DIAPH2: variants seen among roughly 807,000 people sequenced by gnomAD.
The protein encoded by DIAPH2 is diaphanous related formin 2, also known as protein diaphanous homolog 2.
Under a neutral mutation model 92.7 loss-of-function variants are expected in DIAPH2, and 35 were observed. The ratio of observed to expected loss-of-function variants is 0.38; its 90% CI spans 0.29 to 0.50. DIAPH2 has a LOEUF of 0.50. DIAPH2 is among the 20% of genes least tolerant of loss of function. The probability of loss-of-function intolerance (pLI) is 0.94; values close to 1 mark genes in which losing one functional copy is unlikely to be tolerated. For missense variants in DIAPH2, 701 were observed against 819.5 expected (o/e 0.86, Z 1.77); for synonymous variants, 301 against 280.4 (o/e 1.07, Z -0.73).
At chrX:97,448,533 A>G (rs2070332020) in intron 26 of DIAPH2, among the ~76,000 whole-genome samples, 1 of 111,861 alleles carries the variant, frequency 8.9e-6, no homozygotes, top group Non-Finnish European at 1.9e-5. Context: ...TACAAATCAA[A>G]CCCTCCTTTT....
intron 5 of DIAPH2, among the ~76,000 whole-genome samples, chrX:96,906,895 C>G: frequency 8.9e-6 from 1 of 111,814 alleles, no homozygotes; most frequent in Middle Eastern, 4.6e-3. Context: ...CCTCTTGTTC[C>G]CAATATAAGC....
chrX:97,405,129 G>A (rs1300660034), intron 25 of DIAPH2, among the ~76,000 whole-genome samples: 4 of 111,541 alleles, frequency 3.6e-5, no homozygotes, highest in African/African-American at 1.3e-4. Flanking sequence ...ATCTATAAAG[G>A]CTTGACATTC....
chrX:96,924,185 G>A (rs2065564691), intron 9 of DIAPH2, among the ~76,000 whole-genome samples: 1 of 111,903 alleles, frequency 8.9e-6, no homozygotes, highest in East Asian at 2.8e-4. Context: ...TGAATATGGA[G>A]AAAATTTGTG....
intron 23 of DIAPH2, 122 bp from the exon 24 acceptor site, chrX:97,347,994 A>G: frequency 1.5e-6 from 1 of 666,540 alleles, no homozygotes; most frequent in Non-Finnish European, 2.2e-6. Flanking sequence ...ACAAACTAAT[A>G]CACAAGTATT....
At chrX:96,931,654 G>C (rs767082611) in intron 10 of DIAPH2, among the ~76,000 whole-genome samples, 1 of 110,204 alleles carries the variant, frequency 9.1e-6, no homozygotes, top group East Asian at 2.8e-4. Context: ...ATGTGTGTGC[G>C]TGTGTGTGTG....
intron 17 of DIAPH2, among the ~76,000 whole-genome samples, chrX:97,025,541 A>G (rs1359760890): frequency 9.2e-6 from 1 of 108,785 alleles, no homozygotes. Context: ...AGTCCCAGCT[A>G]CTCGGGAGGC....
chrX:97,529,966 A>G (rs897663738), intron 26 of DIAPH2, among the ~76,000 whole-genome samples: 1 of 112,432 alleles, frequency 8.9e-6, no homozygotes, highest in Admixed American at 9.4e-5. Context: ...TAGCCAAGAC[A>G]GCCAGGGCTT....
chrX:97,390,122 C>T (rs1479578080), intron 25 of DIAPH2, among the ~76,000 whole-genome samples: 2 of 109,179 alleles, frequency 1.8e-5, no homozygotes, highest in East Asian at 5.8e-4. Context: ...CAGGTCAAGC[C>T]GGTCAGAGAG....
chrX:97,062,935 G>A (rs1339400296), intron 17 of DIAPH2, among the ~76,000 whole-genome samples: 1 of 107,125 alleles, frequency 9.3e-6, no homozygotes, highest in African/African-American at 3.4e-5. Flanking sequence ...TCGGGAGGCT[G>A]AGGCAGGAGA....
intron 4 of DIAPH2, among the ~76,000 whole-genome samples, chrX:96,811,123 C>A (rs1403946364): frequency 8.9e-6 from 1 of 111,834 alleles, no homozygotes; most frequent in African/African-American, 3.3e-5. Flanking sequence ...TGGCCATTTT[C>A]ATGATATTGA....
chrX:97,518,127 T>C (rs2070963467), intron 26 of DIAPH2, among the ~76,000 whole-genome samples: 1 of 112,227 alleles, frequency 8.9e-6, no homozygotes, highest in African/African-American at 3.2e-5. Context: ...ATCAAGCTCT[T>C]CTCAAACTTT....
chrX:97,071,625 C>T (rs2066669964), intron 17 of DIAPH2, among the ~76,000 whole-genome samples: 1 of 111,358 alleles, frequency 9.0e-6, no homozygotes, highest in African/African-American at 3.3e-5. Flanking sequence ...CTGTAGCATG[C>T]TCATTTAATT....
intron 3 of DIAPH2, among the ~76,000 whole-genome samples, chrX:96,750,051 GTT>G (rs753887199): frequency 2.2e-3 from 156 of 71,047 alleles, no homozygotes; most frequent in African/African-American, 8.4e-3. Context: ...TATATTTCAA[GTT>G]TTTTTTTTTT....
At chrX:97,476,603 T>A (rs888993219) in intron 26 of DIAPH2, among the ~76,000 whole-genome samples, 1 of 111,295 alleles carries the variant, frequency 9.0e-6, no homozygotes, top group Non-Finnish European at 1.9e-5. Context: ...GTATGAAATA[T>A]GACTTCAAAA....
At chrX:97,069,497 A>G (rs2066655362) in intron 17 of DIAPH2, among the ~76,000 whole-genome samples, 1 of 111,452 alleles carries the variant, frequency 9.0e-6, no homozygotes, top group Non-Finnish European at 1.9e-5. Flanking sequence ...AAAGAAAATT[A>G]TAAATGTTAG....
chrX:96,894,246 C>T (rs1224405635), intron 5 of DIAPH2, among the ~76,000 whole-genome samples: 1 of 104,325 alleles, frequency 9.6e-6, no homozygotes, highest in African/African-American at 3.5e-5. Flanking sequence ...GTACTGAGTA[C>T]TGCTACAGTT....
At chrX:97,459,766 G>A (rs1363213684) in intron 26 of DIAPH2, among the ~76,000 whole-genome samples, 3 of 111,707 alleles carry the variant, frequency 2.7e-5, no homozygotes, top group Admixed American at 9.5e-5. Context: ...AAGTGATGGT[G>A]TAGATATGAC....
intron 23 of DIAPH2, among the ~76,000 whole-genome samples, chrX:97,337,943 G>A (rs2069079337): frequency 2.8e-5 from 3 of 106,141 alleles, no homozygotes; most frequent in Non-Finnish European, 3.9e-5. Flanking sequence ...TGCAATCTCA[G>A]CTCACTGCAA....
At chrX:96,847,117 T>C (rs755409969) in intron 4 of DIAPH2, among the ~76,000 whole-genome samples, 1 of 111,851 alleles carries the variant, frequency 8.9e-6, no homozygotes, top group Non-Finnish European at 1.9e-5. Context: ...AAAGACAAAC[T>C]ATAAGGAAAA....
Sources: gnomAD v4.1 joint callset for allele counts (sites outside exome capture counted in the v4.1 genomes callset) on GRCh38, gnomAD v4.1.1 for gene constraint, MANE v1.5 for transcripts, NCBI Gene and HGNC (gene_info 2026-07-23, HGNC 2026-07-21) for gene names.